CDH18: variants seen among roughly 807,000 people sequenced by gnomAD.
CDH18 encodes cadherin 18, also known as cadherin-18.
A neutral mutation model predicts 67.9 loss-of-function variants in CDH18; 31 were observed. The observed-to-expected ratio is 0.46, with a 90% CI of 0.34 to 0.62. CDH18 has a LOEUF of 0.62. CDH18 is among the 20% of genes least tolerant of loss of function. CDH18 has a pLI of 0.01. For synonymous variants in CDH18, 362 were observed against 347.2 expected, an observed-to-expected ratio of 1.04 and a Z score of -0.48; for missense variants, 890 against 975.5, an observed-to-expected ratio of 0.91 and a Z score of 1.17.
intron 5 of CDH18, among the ~76,000 whole-genome samples, chr5:19,687,005 T>C (rs1177412533): frequency 1.3e-5 from 2 of 151,950 alleles, no homozygotes; most frequent in African/African-American, 4.8e-5. Context: ...GTAGAGTATC[T>C]AAGAAGTAAC....
chr5:20,498,773 T>A (rs1205411176), intron 1 of CDH18, among the ~76,000 whole-genome samples: 3 of 152,076 alleles, frequency 2.0e-5, no homozygotes, highest in Admixed American at 6.6e-5. Flanking sequence ...TAATAATACG[T>A]GTCTTATTTA....
At chr5:19,902,519 C>T (rs1254520678) in intron 2 of CDH18, among the ~76,000 whole-genome samples, 3 of 151,794 alleles carry the variant, frequency 2.0e-5, no homozygotes, top group East Asian at 1.9e-4. Context: ...GTACACAAAC[C>T]GTGTGAGTGT....
At chr5:20,202,826 T>G (rs566926732) in intron 2 of CDH18, among the ~76,000 whole-genome samples, 2 of 152,088 alleles carry the variant, frequency 1.3e-5, no homozygotes, top group Non-Finnish European at 2.9e-5. Context: ...AACACATACC[T>G]ATATTAATAA....
chr5:19,482,122 TA>T (rs1222208981), intron 12 of CDH18, among the ~76,000 whole-genome samples: 7 of 151,870 alleles, frequency 4.6e-5, no homozygotes, highest in African/African-American at 1.2e-4. Flanking sequence ...ATTTTATTAT[TA>T]TTATTTTTTT....
chr5:19,814,575 C>T lies in CDH18; in HGVS notation c.228+24184G>A, dbSNP rs550614946. Among the ~76,000 whole-genome samples, 11 of 151,988 alleles carry T rather than the reference C, an allele frequency of 7.2e-5. No homozygotes were observed. The East Asian group carries it at 1.2e-3, about 16-fold the overall frequency. ...CATTTAAAACCAAATCCCAGGAGGG[C>T]GTTAAAACTTTCACGAACCCTATAC... On this transcript the variant is annotated intron_variant, in intron 3 of 12. Transcript: ENST00000382275.
chr5:20,397,858 A>T (rs1185169637), intron 1 of CDH18, among the ~76,000 whole-genome samples: 1 of 152,214 alleles, frequency 6.6e-6, no homozygotes, highest in African/African-American at 2.4e-5. Flanking sequence ...TTGATAGCAC[A>T]TTTCAATTTG....
At chr5:20,370,054 G>C (rs982646018) in intron 1 of CDH18, among the ~76,000 whole-genome samples, 4 of 151,946 alleles carry the variant, frequency 2.6e-5, no homozygotes, top group African/African-American at 9.7e-5. Flanking sequence ...TTTATTTCTA[G>C]AGATATATAG....
chr5:19,669,298 T>C (rs934308441), intron 5 of CDH18, among the ~76,000 whole-genome samples: 1 of 147,610 alleles, frequency 6.8e-6, no homozygotes, highest in Non-Finnish European at 1.5e-5. Context: ...TTATATAATA[T>C]ATATATTTTT....
chr5:20,471,228 A>G (rs1752044611), intron 1 of CDH18, among the ~76,000 whole-genome samples: 1 of 152,054 alleles, frequency 6.6e-6, no homozygotes, highest in Non-Finnish European at 1.5e-5. Context: ...CTGTAAACTC[A>G]GTTTCATAAA....
At chr5:19,946,906 C>T (rs1795329469) in intron 2 of CDH18, among the ~76,000 whole-genome samples, 1 of 152,056 alleles carries the variant, frequency 6.6e-6, no homozygotes, top group Non-Finnish European at 1.5e-5. Context: ...GGGGTTTATT[C>T]AAGATATGCA....
intron 2 of CDH18, among the ~76,000 whole-genome samples, chr5:20,198,451 C>T (rs1739166277): frequency 6.6e-6 from 1 of 152,120 alleles, no homozygotes; most frequent in African/African-American, 2.4e-5. Flanking sequence ...CCTGCCCCTG[C>T]CCTGGATATC....
chr5:20,497,858 A>G (rs1387667011), intron 1 of CDH18, among the ~76,000 whole-genome samples: 1 of 152,126 alleles, frequency 6.6e-6, no homozygotes, highest in East Asian at 1.9e-4. Flanking sequence ...TTGAAACCTA[A>G]TCACCAGTCT....
At chr5:19,566,574 C>T (rs1052084910) in intron 8 of CDH18, among the ~76,000 whole-genome samples, 1 of 152,088 alleles carries the variant, frequency 6.6e-6, no homozygotes, top group Admixed American at 6.5e-5. Flanking sequence ...AGGTGAAACC[C>T]CTTATAAAAC....
intron 3 of CDH18, among the ~76,000 whole-genome samples, chr5:19,806,118 G>T (rs923602822): frequency 2.0e-5 from 3 of 152,118 alleles, no homozygotes; most frequent in Non-Finnish European, 2.9e-5. Flanking sequence ...AATTTCACTG[G>T]AGTTCCTTCT....
chr5:19,639,556 G>A (rs1753736205), intron 5 of CDH18, among the ~76,000 whole-genome samples: 1 of 152,276 alleles, frequency 6.6e-6, no homozygotes, highest in Admixed American at 6.5e-5. Context: ...CTACACCCTT[G>A]TCCCTCCCAC....
intron 1 of CDH18, among the ~76,000 whole-genome samples, chr5:20,364,860 A>G (rs975143622): frequency 6.6e-6 from 1 of 152,200 alleles, no homozygotes; most frequent in African/African-American, 2.4e-5. Flanking sequence ...TGTTAGTAGA[A>G]TCCAACTTAT....
At chr5:20,021,097 GC>G (rs1738378192) in intron 2 of CDH18, among the ~76,000 whole-genome samples, 1 of 152,058 alleles carries the variant, frequency 6.6e-6, no homozygotes, top group South Asian at 2.1e-4. Flanking sequence ...TTTAACGACT[GC>G]CCTACTGGGT....
Position 20,507,798 on chromosome 5 carries a change from C to T in CDH18, c.-580+67664G>A, listed in dbSNP as rs151273731. On this transcript the variant is annotated intron_variant, in intron 1 of 14. Coordinates refer to the CDH18 transcript ENST00000507958. ...TCCCAAGGTTTAATGCTTACTGTGACTCTACATAAGGGCATTTTGAGCATA... is the reference window on the plus strand; with the variant it reads ...TCCCAAGGTTTAATGCTTACTGTGATTCTACATAAGGGCATTTTGAGCATA... 1.0e-3 allele frequency among the ~76,000 whole-genome samples: 155 copies of T among 152,196 alleles called. 1 individual carries two copies. The highest frequency in any genetic ancestry group is 6.0e-3 in the South Asian group (29 of 4,822).
chr5:19,960,309 CTCTA>C lies in CDH18; in HGVS notation c.-257+20747_-257+20750del, dbSNP rs537827735. Among the ~76,000 whole-genome samples, 381 of 151,868 alleles carry C rather than the reference CTCTA, an allele frequency of 2.5e-3. 1 individual carries two copies. Among genetic ancestry groups the C allele is most frequent in the African/African-American group, 7.2e-3 (296 of 41,394 alleles). ...TTATCTCTTTATTCTACAAGCACTT[CTCTA>C]TCTTTCATTTGTTTTTACTTTTTAA... On this transcript the variant is annotated intron_variant, in intron 2 of 12. Coordinates refer to ENST00000382275, the MANE Select transcript of CDH18 (RefSeq NM_004934.5).
Sources: allele counts gnomAD v4.1 joint callset (sites outside exome capture counted in the v4.1 genomes callset), GRCh38; gene constraint gnomAD v4.1.1; transcripts MANE v1.5; gene names NCBI Gene and HGNC (gene_info 2026-07-23, HGNC 2026-07-21).